Variants in PCCB observed in about 807,000 individuals in gnomAD.
PCCB encodes the protein propionyl-CoA carboxylase beta chain, mitochondrial.
Under a neutral mutation model 60.7 loss-of-function variants are expected in PCCB, and 43 were observed. That is an observed-to-expected ratio of 0.71 (90% CI 0.55 to 0.91). The LOEUF (loss-of-function observed/expected upper bound fraction) is 0.91. Ranked by LOEUF, PCCB falls within the 40% of genes least tolerant of loss-of-function variation. The pLI is 0.00. For synonymous variants in PCCB, 276 were observed against 255.9 expected (o/e 1.08, Z -0.75); for missense variants, 766 against 702.8 (o/e 1.09, Z -1.02).
In PCCB at chr3:136,329,927, A is replaced by G. The variant is rs774461715; in HGVS notation, c.1521A>G (p.Gln507=). The G allele has an allele frequency of 3.7e-6, 6 of 1,614,128 alleles. No individual in the cohort carries two copies. The highest frequency in any genetic ancestry group is 2.7e-5 in the African/African-American group (2 of 75,026). Residue 507 remains glutamine (Q), a synonymous_variant, in exon 15 of 15, where the codon CAA becomes CAG. Transcript: ENST00000251654. ...CAGGGTTTGTGGATGACATCATCCA[A>G]CCTTCTTCCACACGTGCCCGAATCT... The part of the protein sequence containing the change: ...AVRGFVDDII[Q]PSSTRARICC...
At chr3:136,269,902 A>T (rs1412359088) in intron 5 of PCCB, among the ~76,000 whole-genome samples, 7 of 151,038 alleles carry the variant, frequency 4.6e-5, no homozygotes, top group Non-Finnish European at 1.0e-4. Flanking sequence ...AAAAAAAAAA[A>T]AAAAATAAGA....
At position 136,250,507 on chromosome 3, in the gene PCCB, G is replaced by T. The variant is rs959163694; in HGVS notation, c.132G>T (p.Arg44=). 6.2e-7 allele frequency: 1 copy of T among 1,612,948 alleles called. No homozygotes were observed. Among genetic ancestry groups the T allele is most frequent in the African/African-American group, 1.3e-5 (1 of 74,928 alleles). The change falls in exon 1 of 15, where the codon CGG becomes CGT. Residue 44 remains arginine (R), a synonymous_variant. Coordinates refer to ENST00000251654, the MANE Select transcript of PCCB (RefSeq NM_000532.5). Reference sequence around the variant, plus strand: ...ACGAACGCATCGAAAACAAGCGCCGGACCGCGCTGCTGGGAGGGGGCCAAC... The same window carrying T: ...ACGAACGCATCGAAAACAAGCGCCGTACCGCGCTGCTGGGAGGGGGCCAAC... ...SVNERIENKR[R]TALLGGGQRR... is the part of the protein sequence containing the mutation.
Position 136,328,860 on chromosome 3 carries a change from A to G in PCCB, c.1498+3A>G. 3 of 1,609,392 alleles carry G rather than the reference A, an allele frequency of 1.9e-6. No homozygotes were observed. Among genetic ancestry groups the G allele is most frequent in the Non-Finnish European group, 2.6e-6 (3 of 1,175,620 alleles). The stretch of plus-strand genomic sequence containing the variant: ...CCCTTTCCCTGCAGCAGTGCGAGGT[A>G]GGGGACTGTGGTGAAGAGGGCAGCT... On this transcript the variant is annotated splice_donor_region_variant and intron_variant, in intron 14 of 14. Coordinates refer to ENST00000251654, the MANE Select transcript of PCCB (RefSeq NM_000532.5).
intron 10 of PCCB, 92 bp from the exon 11 acceptor site, chr3:136,326,711 C>A: frequency 1.1e-6 from 1 of 918,462 alleles, no homozygotes; most frequent in East Asian, 2.4e-5. Flanking sequence ...CCACAGAAAC[C>A]AGCTTTGGAT....
intron 8 of PCCB, among the ~76,000 whole-genome samples, chr3:136,299,822 A>ATGTATGTATATGCATG (rs1370656033): frequency 4.0e-5 from 6 of 148,800 alleles, no homozygotes; most frequent in Non-Finnish European, 8.8e-5. Flanking sequence ...ATGCATGTGT[A>ATGTATGTATATGCATG]TGTATGTATA....
At chr3:136,304,111 C>G (rs1255064030) in intron 9 of PCCB, among the ~76,000 whole-genome samples, 1 of 118,874 alleles carries the variant, frequency 8.4e-6, no homozygotes, top group Non-Finnish European at 1.9e-5. Flanking sequence ...GGTCTTTGCT[C>G]TCAGTGCATG....
intron 1 of PCCB, among the ~76,000 whole-genome samples, chr3:136,253,595 G>A (rs1031245888): frequency 8.6e-5 from 13 of 151,766 alleles, no homozygotes; most frequent in South Asian, 8.3e-4. Flanking sequence ...ATGTTGAGCA[G>A]GCTGGTCTCT....
intron 9 of PCCB, among the ~76,000 whole-genome samples, chr3:136,301,802 C>T (rs563093203): frequency 2.6e-5 from 4 of 152,206 alleles, no homozygotes; most frequent in African/African-American, 9.6e-5. Flanking sequence ...GTAGTCTCTT[C>T]CTGCACCAAG....
At chr3:136,291,655 T>C (rs888211450) in intron 6 of PCCB, among the ~76,000 whole-genome samples, 3 of 152,198 alleles carry the variant, frequency 2.0e-5, no homozygotes, top group Admixed American at 6.5e-5. Context: ...AAGAGCTGGC[T>C]TGAGTTTGGT....
chr3:136,261,590 T>C (rs1941827297), intron 4 of PCCB, among the ~76,000 whole-genome samples: 1 of 152,214 alleles, frequency 6.6e-6, no homozygotes. Context: ...AAGTACTACT[T>C]TGCCATTCTG....
intron 5 of PCCB, among the ~76,000 whole-genome samples, chr3:136,278,135 G>A (rs911293078): frequency 6.6e-6 from 1 of 152,144 alleles, no homozygotes; most frequent in East Asian, 1.9e-4. Flanking sequence ...TGCCTGCAAA[G>A]CACTTCCCGC....
rs999604852 is a variant in PCCB at position 136,298,098 on chromosome 3, T to C, written c.884+26T>C. ...GTGGGTTGTAGGCCGGTGCACCTTC[T>C]CTCATTTTGCAGTGTAGCTTGCCTT... On this transcript the variant is annotated intron_variant, in intron 8 of 14. Transcript: ENST00000251654. 4 of 1,613,856 alleles carry C rather than the reference T, an allele frequency of 2.5e-6. No homozygotes were observed. The African/African-American group carries it at 4.0e-5, about 16-fold the overall frequency.
chr3:136,327,493 G>T, intron 12 of PCCB, 141 bp from the exon 13 acceptor site: 1 of 755,030 alleles, frequency 1.3e-6, no homozygotes, highest in South Asian at 1.5e-5. Context: ...ACTTTGAAAG[G>T]TCTTACAGAC....
Position 136,250,358 on chromosome 3 carries a change from C to G in PCCB, c.-18C>G, listed in dbSNP as rs377349557. On this transcript the variant is annotated 5_prime_UTR_variant, in exon 1 of 15. Transcript: ENST00000251654. ...CGTACTCAGGTGCGCCGGTAGGGGA[C>G]GCGCCGGCACAGCAAAAATGGCGGC... is the stretch of plus-strand genomic sequence containing the variant. The G allele has an allele frequency of 2.1e-5, 31 of 1,496,790 alleles. No individual in the cohort carries two copies. Among genetic ancestry groups the G allele is most frequent in the African/African-American group, 1.7e-4 (12 of 71,746 alleles). 92.7% of individuals were successfully genotyped at this position (1,496,790 alleles called of 1,614,324 possible).
At chr3:136,276,511 CTGT>C (rs570143734) in intron 5 of PCCB, among the ~76,000 whole-genome samples, 8 of 151,836 alleles carry the variant, frequency 5.3e-5, no homozygotes, top group Non-Finnish European at 1.0e-4. Context: ...ATCTGTAGGA[CTGT>C]TGTTGTTCCA....
At chr3:136,279,870 G>GT (rs763776983) in intron 5 of PCCB, among the ~76,000 whole-genome samples, 14 of 152,116 alleles carry the variant, frequency 9.2e-5, no homozygotes, top group Non-Finnish European at 1.9e-4. Context: ...GTTTCACCGT[G>GT]TTAGCCAGGA....
intron 9 of PCCB, among the ~76,000 whole-genome samples, chr3:136,313,794 G>GT (rs944816657): frequency 1.3e-5 from 2 of 152,134 alleles, no homozygotes; most frequent in African/African-American, 2.4e-5. Flanking sequence ...TAGTAGGTCT[G>GT]TTTTTTGTAG....
At chr3:136,277,143 TTC>T (rs1942348762) in intron 5 of PCCB, among the ~76,000 whole-genome samples, 3 of 152,144 alleles carry the variant, frequency 2.0e-5, no homozygotes, top group Non-Finnish European at 4.4e-5. Flanking sequence ...CTCTTTGAGG[TTC>T]CTTGGTTACA....
At position 136,314,926 on chromosome 3, in the gene PCCB, C is replaced by G. The variant is rs142706744; in HGVS notation, c.967-2015C>G. On this transcript the variant is annotated intron_variant, in intron 9 of 14. Transcript: ENST00000251654. ...ATATCACCATCATTAATGGACAAAT[C>G]AACACATTGTGCCACTTGATGAGAA... Among the ~76,000 whole-genome samples the G allele has an allele frequency of 1.5e-3, 233 of 152,278 alleles. 2 individuals carry two copies. The highest frequency in any genetic ancestry group is 5.2e-3 in the African/African-American group (217 of 41,552).
Sources: allele counts gnomAD v4.1 joint callset (sites outside exome capture counted in the v4.1 genomes callset), GRCh38; gene constraint gnomAD v4.1.1; transcripts MANE v1.5; gene names NCBI Gene and HGNC (gene_info 2026-07-23, HGNC 2026-07-21).